The following TPR variants were observed in gnomAD, a reference collection of about 807,000 sequenced individuals.
TPR encodes the protein translocated promoter region, nuclear basket protein.
TPR carries 51 observed loss-of-function variants against 316.1 expected under a neutral mutation model. The ratio of observed to expected loss-of-function variants is 0.16; its 90% CI spans 0.13 to 0.20. The LOEUF is 0.20. TPR is among the 10% of genes least tolerant of loss of function. The pLI is 1.00. For synonymous variants in TPR, 981 were observed against 914.7 expected, an observed-to-expected ratio of 1.07 and a Z score of -1.31; for missense variants, 2,272 against 2,754.8, an observed-to-expected ratio of 0.82 and a Z score of 3.92.
At position 186,341,073 on chromosome 1, in the gene TPR, C is replaced by T. The variant is rs892526216; in HGVS notation, c.3975G>A (p.Lys1325=). The change falls in exon 29 of 51, where the codon AAG becomes AAA. Residue 1325 remains lysine, a synonymous_variant. Coordinates refer to ENST00000367478, the MANE Select transcript of TPR (RefSeq NM_003292.3). The part of the protein sequence containing the change: ...SEKSGMLQAE[K]KLLEEDVKRW... ...GTTTGACATCCTCTTCTAAGAGCTT[C>T]TTCTCTGCCTGCAACATACCGCTTT... 3 of 1,614,104 alleles carry T rather than the reference C, an allele frequency of 1.9e-6. No homozygotes were observed. The highest frequency in any genetic ancestry group is 2.5e-6 in the Non-Finnish European group (3 of 1,180,006).
chr1:186,320,674 C>T (rs1657751396), intron 45 of TPR, among the ~76,000 whole-genome samples: 1 of 152,146 alleles, frequency 6.6e-6, no homozygotes, highest in Non-Finnish European at 1.5e-5. Flanking sequence ...TGAACTATGC[C>T]TCACATTTCT....
chr1:186,357,430 C>T lies in TPR; in HGVS notation c.1691G>A (p.Arg564Lys). ...AGTTGTTTCTTGTTCTTCTCTTTCTCTGGTTTCCCCAAGCTCTCTAAGGGC... is the reference window on the plus strand; with the variant it reads ...AGTTGTTTCTTGTTCTTCTCTTTCTTTGGTTTCCCCAAGCTCTCTAAGGGC... The part of the protein sequence containing the change: ...LVALRELGET[R>K]EREEQETTSS... The change falls in exon 14 of 51, where the codon AGA (arginine) becomes AAA (lysine). Residue 564 changes from arginine to lysine, a missense_variant. Around this residue, in one of 10 missense-constraint regions of TPR, gnomAD observed 757 missense variants for 859.8 expected, o/e 0.88. Transcript: ENST00000367478. 6.2e-7 allele frequency: 1 copy of T among 1,613,982 alleles called. No individual in the cohort carries two copies.
At chr1:186,351,046 G>T (rs977031573) in intron 20 of TPR, among the ~76,000 whole-genome samples, 1 of 152,044 alleles carries the variant, frequency 6.6e-6, no homozygotes, top group Non-Finnish European at 1.5e-5. Context: ...ATCATAAAAG[G>T]CAAAAGTCAA....
chr1:186,335,307 AT>A (rs781701953), intron 34 of TPR, 30 bp downstream of exon 34: 1 of 1,606,630 alleles, frequency 6.2e-7, no homozygotes, highest in Non-Finnish European at 8.5e-7. Flanking sequence ...AAGAAAAACA[AT>A]TTGTTACTTA....
chr1:186,357,713 T>C, intron 13 of TPR, 90 bp from the exon 14 acceptor site: 1 of 1,097,546 alleles, frequency 9.1e-7, no homozygotes, highest in Non-Finnish European at 1.3e-6. Context: ...AAAACATTAC[T>C]TATAAAACCT....
rs761204673 is a variant in TPR at position 186,331,529 on chromosome 1, T to C, written c.5657A>G (p.Tyr1886Cys). Reference sequence around the variant, plus strand: ...AATGGAATCTTGAGAATCCTGGTTGTATACCTGAGTCTCTACCTCTCCATC... The same window carrying C: ...AATGGAATCTTGAGAATCCTGGTTGCATACCTGAGTCTCTACCTCTCCATC... ...STDGEVETQV[Y>C]NQDSQDSIGE... Residue 1886 changes from tyrosine to cysteine, a missense_variant, in exon 39 of 51, where the codon TAC becomes TGC. This residue lies in a region of TPR where 435 missense variants were observed against 461.1 expected (regional missense o/e 0.94). Transcript: ENST00000367478. The C allele has an allele frequency of 1.2e-6, 2 of 1,609,380 alleles. No homozygotes were observed. Among genetic ancestry groups the C allele is most frequent in the Non-Finnish European group, 1.7e-6 (2 of 1,177,690 alleles).
In TPR at chr1:186,312,879, T is replaced by C. The variant is rs761925655; in HGVS notation, c.*1092A>G. The C allele has an allele frequency of 2.0e-5, 32 of 1,612,488 alleles. No individual in the cohort carries two copies. Among genetic ancestry groups the C allele is most frequent in the Non-Finnish European group, 2.5e-5 (30 of 1,178,498 alleles). ...CAGAAAACCTGACGGCTATGATTAC[T>C]ATGCCTTTTCTAAAGGTAAGGTATT... On this transcript the variant is annotated 3_prime_UTR_variant, in exon 51 of 51. Coordinates refer to ENST00000367478, the MANE Select transcript of TPR (RefSeq NM_003292.3).
At chr1:186,368,417 G>A (rs1484711751) in intron 3 of TPR, among the ~76,000 whole-genome samples, 2 of 152,160 alleles carry the variant, frequency 1.3e-5, no homozygotes. Flanking sequence ...TTCAAGACCA[G>A]CTTGGGCAAC....
At chr1:186,355,935 A>G (rs977315425) in intron 15 of TPR, among the ~76,000 whole-genome samples, 167 bp from the exon 16 acceptor site, 8 of 152,214 alleles carry the variant, frequency 5.3e-5, no homozygotes, top group African/African-American at 1.7e-4. Flanking sequence ...TAAACAATGT[A>G]TTAAGATTTT....
chr1:186,368,756 T>C (rs1340740052), intron 3 of TPR, among the ~76,000 whole-genome samples: 4 of 152,224 alleles, frequency 2.6e-5, no homozygotes, highest in Non-Finnish European at 5.9e-5. Flanking sequence ...AGCTTTTTAG[T>C]TTGATGTAGT....
rs773840484 is a variant in TPR at position 186,352,006 on chromosome 1, G to C, written c.2439C>G (p.Asn813Lys). 6.2e-7 allele frequency: 1 copy of C among 1,606,654 alleles called. No homozygotes were observed. Among genetic ancestry groups the C allele is most frequent in the Non-Finnish European group, 8.5e-7 (1 of 1,177,410 alleles). The part of the protein sequence containing the change: ...ESLLAEQRGQ[N>K]LLLTNLQTIQ... ...TTGTTTGCAGATTAGTTAGCAGTAA[G>C]TTTTGCCCCCTTTGTTCAGCTAACA... The change falls in exon 19 of 51, where the codon AAC (asparagine) becomes AAG (lysine). Residue 813 changes from asparagine to lysine, a missense_variant. Asn to Lys is a moderately conservative substitution (Grantham distance 94). Around this residue, in one of 10 missense-constraint regions of TPR, gnomAD observed 757 missense variants for 859.8 expected, o/e 0.88. Transcript: ENST00000367478.
At chr1:186,367,744 G>A (rs967877493) in intron 4 of TPR, 142 bp downstream of exon 4, 2 of 522,628 alleles carry the variant, frequency 3.8e-6, no homozygotes, top group Admixed American at 3.2e-5. Context: ...AAATGAGTAG[G>A]AGAAATAATA....
chr1:186,316,561 T>A (rs1487449189), intron 49 of TPR, among the ~76,000 whole-genome samples: 1 of 152,348 alleles, frequency 6.6e-6, no homozygotes, highest in African/African-American at 2.4e-5. Context: ...TCAGACTGAA[T>A]GACCAAGTAC....
chr1:186,349,668 A>AT (rs1658798080), intron 21 of TPR, among the ~76,000 whole-genome samples: 2 of 150,864 alleles, frequency 1.3e-5, no homozygotes, highest in South Asian at 2.1e-4. Flanking sequence ...TCAAAAAAAA[A>AT]AAAAAAAATA....
chr1:186,374,918 A>C lies in TPR; in HGVS notation c.111T>G (p.Asp37Glu), dbSNP rs369988840. 49 of 1,603,482 alleles carry C rather than the reference A, an allele frequency of 3.1e-5. No individual in the cohort carries two copies. In the African/African-American group the frequency reaches 6.6e-4, roughly 21 times the overall value. Residue 37 changes from aspartate to glutamate, a missense_variant, in exon 1 of 51, where the codon GAT becomes GAG. By Grantham distance (45) the Asp-to-Glu change is conservative. This residue lies in a region of TPR where 549 missense variants were observed against 598.6 expected (regional missense o/e 0.92). Coordinates refer to ENST00000367478, the MANE Select transcript of TPR (RefSeq NM_003292.3). ...ATTTCTCATGCCGCCCCTTCAGGCC[A>C]TCGATCTCGGATTGCTGATCAGCAA... ...KFLADQQSEI[D>E]GLKGRHEKFK...
intron 1 of TPR, 124 bp downstream of exon 1, chr1:186,374,754 A>T: frequency 9.7e-7 from 1 of 1,029,394 alleles, no homozygotes. Flanking sequence ...GGCTCAGGAT[A>T]TCCACAGAGC....
In TPR at chr1:186,318,435, A is replaced by T; in HGVS notation, c.6821+12T>A. On this transcript the variant is annotated intron_variant, in intron 48 of 50. Coordinates refer to ENST00000367478, the MANE Select transcript of TPR (RefSeq NM_003292.3). The stretch of plus-strand genomic sequence containing the variant: ...GACTAAAGCAAGCAAAAACAACAAA[A>T]TAAACTTTTACCCTTCAGATTCTGC... The T allele has an allele frequency of 6.2e-7, 1 of 1,603,760 alleles. No homozygotes were observed. The highest frequency in any genetic ancestry group is 8.5e-7 in the Non-Finnish European group (1 of 1,176,408).
At position 186,351,319 on chromosome 1, in the gene TPR, G is replaced by C. The variant is rs756381735; in HGVS notation, c.2610+11C>G. ...ACACCCTACAGAAATTCAGAACTCT[G>C]ATGGACTCACATCTAGATTTCTAGT... On this transcript the variant is annotated intron_variant, in intron 20 of 50. Transcript: ENST00000367478. 10 of 1,600,138 alleles carry C rather than the reference G, an allele frequency of 6.2e-6. No individual in the cohort carries two copies. The highest frequency in any genetic ancestry group is 1.3e-5 in the African/African-American group (1 of 74,274).
chr1:186,333,078 A>T, intron 37 of TPR, 44 bp downstream of exon 37: 1 of 1,591,990 alleles, frequency 6.3e-7, no homozygotes, highest in Admixed American at 1.7e-5. Context: ...AAGATCTTAT[A>T]AATGCATAGG....
Sources: allele counts gnomAD v4.1 joint callset (sites outside exome capture counted in the v4.1 genomes callset), GRCh38; gene constraint gnomAD v4.1.1; regional missense constraint gnomAD v4.1.1; transcripts MANE v1.5; gene names NCBI Gene and HGNC (gene_info 2026-07-23, HGNC 2026-07-21).